Variants in NHS observed in about 807,000 individuals in gnomAD.
NHS encodes NHS actin remodeling regulator.
NHS carries 5 observed loss-of-function variants against 72.5 expected under a neutral mutation model. That is an observed-to-expected ratio of 0.07 (90% CI 0.04 to 0.14). The LOEUF (loss-of-function observed/expected upper bound fraction) is 0.14. Ranked by LOEUF, NHS falls within the 10% of genes least tolerant of loss-of-function variation. NHS has a pLI of 1.00. For missense variants in NHS, 1,072 were observed against 1,355.7 expected (o/e 0.79, Z 3.29); for synonymous variants, 464 against 547.7 (o/e 0.85, Z 2.13).
intron 1 of NHS, among the ~76,000 whole-genome samples, chrX:17,408,151 A>G (rs1291570358): frequency 2.7e-5 from 3 of 110,217 alleles, no homozygotes; most frequent in Non-Finnish European, 5.7e-5. Context: ...GAATACAGGC[A>G]TGTGCCACCA....
At chrX:17,440,258 TA>T (rs1036618487) in intron 1 of NHS, among the ~76,000 whole-genome samples, 221 of 37,287 alleles carry the variant, frequency 5.9e-3, no homozygotes, top group Middle Eastern at 0.018. Context: ...GACTCAGTCT[TA>T]AAAAAAAAAA....
intron 3 of NHS, among the ~76,000 whole-genome samples, chrX:17,715,353 T>C (rs2066358683): frequency 8.9e-6 from 1 of 112,794 alleles, no homozygotes; most frequent in Non-Finnish European, 1.9e-5. Flanking sequence ...CAAAGGACAT[T>C]ATTTCATTCC....
intron 1 of NHS, among the ~76,000 whole-genome samples, chrX:17,550,790 A>G (rs2065330943): frequency 8.9e-6 from 1 of 111,987 alleles, no homozygotes; most frequent in South Asian, 3.8e-4. Context: ...TCCACTGCTC[A>G]AAACCATTCA....
intron 1 of NHS, among the ~76,000 whole-genome samples, chrX:17,545,164 C>T (rs2065285832): frequency 8.9e-6 from 1 of 112,295 alleles, no homozygotes; most frequent in Non-Finnish European, 1.9e-5. Context: ...CTTCATGCCC[C>T]AAAGCCTGCA....
chrX:17,459,360 A>C (rs1488181355), intron 1 of NHS, among the ~76,000 whole-genome samples: 1 of 111,895 alleles, frequency 8.9e-6, no homozygotes, highest in African/African-American at 3.2e-5. Flanking sequence ...ATGGGAACCA[A>C]GTGAATGGGC....
chrX:17,625,608 T>C (rs765157122), intron 1 of NHS, among the ~76,000 whole-genome samples: 163 of 112,324 alleles, frequency 1.5e-3, no homozygotes, highest in African/African-American at 4.9e-3. Flanking sequence ...AATGTATTGC[T>C]TTTGTTCATT....
At chrX:17,702,077 T>A (rs1312819275) in intron 3 of NHS, among the ~76,000 whole-genome samples, 4 of 110,747 alleles carry the variant, frequency 3.6e-5, no homozygotes, top group African/African-American at 1.3e-4. Flanking sequence ...GAGGATGGGA[T>A]GGTGGTGGCA....
intron 3 of NHS, among the ~76,000 whole-genome samples, chrX:17,705,927 G>A (rs1021529955): frequency 6.2e-5 from 7 of 112,079 alleles, no homozygotes; most frequent in African/African-American, 2.3e-4. Flanking sequence ...AAAGACTCAC[G>A]CCTGTAATCC....
intron 1 of NHS, among the ~76,000 whole-genome samples, chrX:17,617,125 C>T (rs2065751364): frequency 8.9e-6 from 1 of 111,977 alleles, no homozygotes; most frequent in African/African-American, 3.3e-5. Context: ...ATTCTGTTGA[C>T]AAAGCACTTG....
intron 1 of NHS, among the ~76,000 whole-genome samples, chrX:17,602,406 G>A (rs2065654984): frequency 9.0e-6 from 1 of 111,591 alleles, no homozygotes; most frequent in Admixed American, 9.5e-5. Flanking sequence ...AACTGACAAT[G>A]TTTCCTACTG....
At chrX:17,391,678 A>C (rs977932118) in intron 1 of NHS, among the ~76,000 whole-genome samples, 10 of 111,623 alleles carry the variant, frequency 9.0e-5, no homozygotes, top group African/African-American at 3.3e-4. Context: ...CGTCTAACTC[A>C]TGTTGTGAAG....
intron 1 of NHS, among the ~76,000 whole-genome samples, chrX:17,531,370 G>T (rs992729618): frequency 9.2e-5 from 10 of 108,771 alleles, no homozygotes; most frequent in Middle Eastern, 9.3e-3. Context: ...CCATCACCAG[G>T]ATCATTCATT....
At chrX:17,474,648 A>G (rs2064906550) in intron 1 of NHS, among the ~76,000 whole-genome samples, 1 of 111,860 alleles carries the variant, frequency 8.9e-6, no homozygotes, top group African/African-American at 3.3e-5. Flanking sequence ...TGGCCTTTGT[A>G]TTTTCCAAAT....
intron 1 of NHS, among the ~76,000 whole-genome samples, chrX:17,469,771 G>A (rs2064884249): frequency 9.0e-6 from 1 of 111,469 alleles, no homozygotes; most frequent in African/African-American, 3.3e-5. Flanking sequence ...CTGCCAAGTA[G>A]CTGGGATTAC....
chrX:17,588,872 G>T (rs1005515720), intron 1 of NHS, among the ~76,000 whole-genome samples: 2 of 111,795 alleles, frequency 1.8e-5, no homozygotes, highest in African/African-American at 6.5e-5. Context: ...TTCTCAGGGA[G>T]GCAATGTGGT....
At chrX:17,438,740 G>T (rs1394324771) in intron 1 of NHS, among the ~76,000 whole-genome samples, 2 of 111,894 alleles carry the variant, frequency 1.8e-5, no homozygotes, top group East Asian at 5.7e-4. Flanking sequence ...TCTTCAGCAA[G>T]AAATAGTTCT....
At chrX:17,495,033 T>C (rs2065006234) in intron 1 of NHS, among the ~76,000 whole-genome samples, 1 of 112,106 alleles carries the variant, frequency 8.9e-6, no homozygotes, top group African/African-American at 3.2e-5. Context: ...GCTGTTCTAA[T>C]CTGGACGTAT....
intron 1 of NHS, among the ~76,000 whole-genome samples, chrX:17,533,357 G>C (rs1185642808): frequency 9.0e-6 from 1 of 111,719 alleles, no homozygotes; most frequent in Non-Finnish European, 1.9e-5. Flanking sequence ...CACGATCATG[G>C]CTCACTGTAG....
chrX:17,720,662 A>T lies in NHS; in HGVS notation c.916-779A>T, dbSNP rs182515612. ...TTTGGATGGAGAATTTTCCAATGTC[A>T]TGTAGAAATCAAAGCCCCTAACTAT... is the stretch of plus-strand genomic sequence containing the variant. On this transcript the variant is annotated intron_variant, in intron 4 of 8. Coordinates refer to ENST00000676302, the MANE Select transcript of NHS (RefSeq NM_001291867.2). Among the ~76,000 whole-genome samples, 8 of 112,386 alleles carry T rather than the reference A, an allele frequency of 7.1e-5. No individual in the cohort carries two copies. In the East Asian group the frequency reaches 2.2e-3, roughly 32 times the overall value.
Sources: gnomAD v4.1 joint callset for allele counts (sites outside exome capture counted in the v4.1 genomes callset) on GRCh38, gnomAD v4.1.1 for gene constraint, MANE v1.5 for transcripts, NCBI Gene and HGNC (gene_info 2026-07-23, HGNC 2026-07-21) for gene names.